RBM6: variants seen among roughly 807,000 people sequenced by gnomAD.
RBM6 encodes the protein RNA binding motif protein 6.
Under a neutral mutation model 140.4 loss-of-function variants are expected in RBM6, and 23 were observed. The ratio of observed to expected loss-of-function variants is 0.16; its 90% confidence interval spans 0.12 to 0.23. The LOEUF (loss-of-function observed/expected upper bound fraction) is 0.23, where lower values mean the gene tolerates loss of function less well. Among genes scored for constraint, RBM6 ranks in the 10% least tolerant of loss-of-function variants. RBM6 has a pLI of 1.00. For synonymous variants in RBM6, 439 were observed against 475.6 expected (o/e 0.92, Z 1.00); for missense variants, 1,139 against 1,386.7 (o/e 0.82, Z 2.84).
At chr3:49,945,484 T>C (rs1405642734) in intron 1 of RBM6, among the ~76,000 whole-genome samples, 2 of 152,140 alleles carry the variant, frequency 1.3e-5, no homozygotes, top group African/African-American at 4.8e-5. Context: ...GGTTTTGTTA[T>C]AGACTGAATT....
At chr3:49,979,300 G>T (rs1444734915) in intron 5 of RBM6, among the ~76,000 whole-genome samples, 1 of 152,120 alleles carries the variant, frequency 6.6e-6, no homozygotes, top group Non-Finnish European at 1.5e-5. Flanking sequence ...TAATGGTTAT[G>T]GTACTTCTTT....
chr3:50,012,238 G>A (rs2086882429), intron 6 of RBM6, among the ~76,000 whole-genome samples: 1 of 151,712 alleles, frequency 6.6e-6, no homozygotes, highest in South Asian at 2.1e-4. Context: ...TTTTAGAGAC[G>A]AGGTCTCAAT....
intron 6 of RBM6, among the ~76,000 whole-genome samples, chr3:50,031,889 T>C (rs1030125311): frequency 2.0e-5 from 3 of 152,204 alleles, no homozygotes; most frequent in East Asian, 1.9e-4. Context: ...GGATGGATAC[T>C]CTATTCCCCA....
intron 6 of RBM6, among the ~76,000 whole-genome samples, chr3:50,013,707 G>A (rs969118701): frequency 6.6e-6 from 1 of 152,198 alleles, no homozygotes; most frequent in East Asian, 1.9e-4. Context: ...TTGGATGCCT[G>A]ATACAAAAAG....
chr3:50,020,021 C>T (rs1483656185), intron 6 of RBM6, among the ~76,000 whole-genome samples: 3 of 151,724 alleles, frequency 2.0e-5, no homozygotes, highest in African/African-American at 7.3e-5. Flanking sequence ...TCAGCTCAAG[C>T]AACTTTCCCA....
chr3:49,962,869 G>A (rs2084344975), intron 2 of RBM6, 184 bp downstream of exon 2: 5 of 491,468 alleles, frequency 1.0e-5, no homozygotes, highest in East Asian at 8.3e-5. Flanking sequence ...AGGCTGAGGC[G>A]GGCAGATCAT....
At chr3:50,037,718 G>A (rs1171058214) in intron 6 of RBM6, among the ~76,000 whole-genome samples, 1 of 151,926 alleles carries the variant, frequency 6.6e-6, no homozygotes, top group Non-Finnish European at 1.5e-5. Context: ...GAGCTGGTCT[G>A]GTCTCGAGCT....
rs189416710 is a variant in RBM6 at position 50,075,111 on chromosome 3, G to A, written c.3117-90G>A. 7.9e-5 allele frequency: 115 copies of A among 1,457,638 alleles called. 1 individual carries two copies. The highest frequency in any genetic ancestry group is 6.4e-4 in the Admixed American group (30 of 47,140). The allele number at this position is 1,457,638 out of a possible 1,614,324, so 90.3% of individuals were successfully genotyped here. ...GCAGAGGTTGCAGTAAGCTGAGTTC[G>A]AGCCATTGCACTCCAGCCTGGGCAA... is the stretch of plus-strand genomic sequence containing the variant. On this transcript the variant is annotated intron_variant, in intron 19 of 20. Transcript: ENST00000266022.
intron 1 of RBM6, among the ~76,000 whole-genome samples, chr3:49,948,677 A>G (rs990804805): frequency 6.7e-6 from 1 of 149,254 alleles, no homozygotes; most frequent in Admixed American, 6.7e-5. Flanking sequence ...GCGCCACTGC[A>G]CTCTAGATTG....
intron 6 of RBM6, among the ~76,000 whole-genome samples, chr3:50,035,218 G>T (rs2088457976): frequency 6.6e-6 from 1 of 152,088 alleles, no homozygotes; most frequent in African/African-American, 2.4e-5. Context: ...TACAACAGGA[G>T]AGAGTTTATT....
chr3:50,050,702 T>G (rs559992203), intron 7 of RBM6, among the ~76,000 whole-genome samples: 1 of 152,330 alleles, frequency 6.6e-6, no homozygotes, highest in African/African-American at 2.4e-5. Flanking sequence ...ATGTAAGGGC[T>G]TCATTTCTCC....
At chr3:50,065,430 C>A in intron 16 of RBM6, 1 of 440,116 alleles carries the variant, frequency 2.3e-6, no homozygotes. Context: ...CTCTAAATCA[C>A]CAAGGAAACC....
At chr3:50,026,068 A>C (rs2087797915) in intron 6 of RBM6, among the ~76,000 whole-genome samples, 1 of 151,248 alleles carries the variant, frequency 6.6e-6, no homozygotes, top group Non-Finnish European at 1.5e-5. Context: ...TGGATGACAG[A>C]GGGAGACTTT....
chr3:49,956,152 AGC>A (rs1451219735), intron 1 of RBM6, among the ~76,000 whole-genome samples: 3 of 151,594 alleles, frequency 2.0e-5, no homozygotes, highest in African/African-American at 7.3e-5. Flanking sequence ...TCTCCTGAGT[AGC>A]TGGTAGTATA....
rs1441258417 is a variant in RBM6, at chr3:49,968,281, C to T, written c.856C>T (p.Pro286Ser). ...TATGGAATTTAAAGATAGGGAGATGCCCCCTGTGGATCCAAATATTTTGGA... is the reference window on the plus strand; with the variant it reads ...TATGGAATTTAAAGATAGGGAGATGTCCCCTGTGGATCCAAATATTTTGGA... The part of the protein sequence containing the change: ...SCMEFKDREM[P>S]PVDPNILDYI... The change falls in exon 3 of 21, where the codon CCC (proline) becomes TCC (serine). Residue 286 changes from proline (P) to serine (S), a missense_variant. By Grantham distance (74) the Pro-to-Ser change is moderately conservative. Around this residue, in one of 9 missense-constraint regions of RBM6, gnomAD observed 566 missense variants for 612.7 expected, o/e 0.92. Transcript: ENST00000266022. The T allele has an allele frequency of 1.2e-6, 2 of 1,614,016 alleles. No homozygotes were observed. Among genetic ancestry groups the T allele is most frequent in the South Asian group, 2.2e-5 (2 of 91,078 alleles).
intron 20 of RBM6, 95 bp from the exon 21 acceptor site, chr3:50,076,913 G>A (rs1483972935): frequency 1.6e-6 from 2 of 1,284,354 alleles, no homozygotes; most frequent in Admixed American, 2.9e-5. Context: ...CCTATATACT[G>A]CTTCTTACTA....
chr3:49,999,909 C>A (rs541382824), intron 6 of RBM6, among the ~76,000 whole-genome samples: 1 of 152,300 alleles, frequency 6.6e-6, no homozygotes, highest in African/African-American at 2.4e-5. Flanking sequence ...AATAGTTACA[C>A]CCAGACCTAG....
rs148835783 is a variant in RBM6, at chr3:50,071,634, C to G, written c.3116+1082C>G. Among the ~76,000 whole-genome samples the G allele has an allele frequency of 2.6e-5, 4 of 152,020 alleles. No homozygotes were observed. The East Asian group carries it at 7.7e-4, about 29-fold the overall frequency. On this transcript the variant is annotated intron_variant, in intron 19 of 20. Transcript: ENST00000266022. ...CATAGGGAGAAGGGAGACCCTGCCTCTATTTAAAAAAAGAAAAGAAAAGGA... is the reference window on the plus strand; with the variant it reads ...CATAGGGAGAAGGGAGACCCTGCCTGTATTTAAAAAAAGAAAAGAAAAGGA...
intron 6 of RBM6, among the ~76,000 whole-genome samples, chr3:50,000,426 T>G (rs1159569403): frequency 2.0e-5 from 3 of 147,312 alleles, no homozygotes; most frequent in South Asian, 2.1e-4. Context: ...CTTTCTTTCT[T>G]TTTTTTTTTT....
Sources: gnomAD v4.1 joint callset for allele counts (sites outside exome capture counted in the v4.1 genomes callset) on GRCh38, gnomAD v4.1.1 for gene constraint, gnomAD v4.1.1 regional missense constraint, MANE v1.5 for transcripts, NCBI Gene and HGNC (gene_info 2026-07-23, HGNC 2026-07-21) for gene names.